FAM184B: variants seen among roughly 807,000 people sequenced by gnomAD.
The protein encoded by FAM184B is family with sequence similarity 184 member B, also known as protein FAM184B.
In FAM184B, 111 loss-of-function variants were observed where a neutral mutation model predicts 135.9. The ratio of observed to expected loss-of-function variants is 0.82; its 90% CI spans 0.70 to 0.96. FAM184B has a LOEUF of 0.96. Ranked by LOEUF, FAM184B falls within the 40% of genes least tolerant of loss-of-function variation. FAM184B has a pLI of 0.00. For missense variants in FAM184B, 1,375 were observed against 1,323.9 expected, an observed-to-expected ratio of 1.04 and a Z score of -0.60; for synonymous variants, 552 against 524.8, an observed-to-expected ratio of 1.05 and a Z score of -0.71.
intron 6 of FAM184B, among the ~76,000 whole-genome samples, chr4:17,689,072 C>T (rs1716664081): frequency 6.6e-6 from 1 of 152,176 alleles, no homozygotes; most frequent in Non-Finnish European, 1.5e-5. Context: ...GTATTCCACA[C>T]TTTCCTTAAA....
rs779363579 is a variant in FAM184B, at chr4:17,781,112, G to A, written c.141+47C>T. ...GCGCATCCGCACTGACTCCCGGCTC[G>A]GGCGCCCCGGGCGTGCAGCTCGCTG... On this transcript the variant is annotated intron_variant, in intron 1 of 17. Coordinates refer to ENST00000265018, the MANE Select transcript of FAM184B (RefSeq NM_015688.2). This position sits in a 1 kb window ranked among gnomAD's most constrained non-coding sequence, Gnocchi z 6.5. The A allele has an allele frequency of 6.9e-7, 1 of 1,458,958 alleles. No individual in the cohort carries two copies. Among genetic ancestry groups the A allele is most frequent in the Non-Finnish European group, 9.1e-7 (1 of 1,104,788 alleles). 90.4% of individuals were successfully genotyped at this position (1,458,958 alleles called of 1,614,324 possible). A position where few individuals can be genotyped will look rare whatever the true frequency, so the allele number is the denominator to read the frequency against.
intron 10 of FAM184B, 96 bp downstream of exon 10, chr4:17,658,254 G>A: frequency 9.5e-7 from 1 of 1,052,518 alleles, no homozygotes; most frequent in Non-Finnish European, 1.4e-6. Flanking sequence ...ATGCTCGGGG[G>A]ATTGGATGTC....
intron 1 of FAM184B, among the ~76,000 whole-genome samples, chr4:17,777,300 G>A (rs190046831): frequency 6.6e-6 from 1 of 152,282 alleles, no homozygotes; most frequent in East Asian, 1.9e-4. Flanking sequence ...TAGATGAATG[G>A]TTGCCTGGGG....
At chr4:17,738,483 T>C (rs564546410) in intron 1 of FAM184B, among the ~76,000 whole-genome samples, 28 of 152,264 alleles carry the variant, frequency 1.8e-4, no homozygotes, top group African/African-American at 6.0e-4. Flanking sequence ...AGGCACTTAA[T>C]AGCATCTCAT....
At chr4:17,739,555 G>GTTTTTTTTTGTTTTTTTTTTTTTTTT (rs1553841417) in intron 1 of FAM184B, among the ~76,000 whole-genome samples, 3 of 62,510 alleles carry the variant, frequency 4.8e-5, no homozygotes, top group African/African-American at 1.2e-4. Context: ...CATACCAACT[G>GTTTTTTTTTGTTTTTTTTTTTTTTTT]TTTTTTTTTT....
chr4:17,698,857 C>T (rs527626132), intron 5 of FAM184B, among the ~76,000 whole-genome samples: 1 of 152,194 alleles, frequency 6.6e-6, no homozygotes, highest in South Asian at 2.1e-4. Flanking sequence ...ACAACAAAAA[C>T]TAGATGTTCA....
At chr4:17,669,735 G>A (rs1263305736) in intron 7 of FAM184B, among the ~76,000 whole-genome samples, 1 of 152,060 alleles carries the variant, frequency 6.6e-6, no homozygotes, top group African/African-American at 2.4e-5. Flanking sequence ...GTGAGAAATG[G>A]GAAAATATAT....
chr4:17,735,148 A>C (rs545977453), intron 1 of FAM184B, among the ~76,000 whole-genome samples: 12 of 144,630 alleles, frequency 8.3e-5, no homozygotes, highest in Non-Finnish European at 1.7e-4. Flanking sequence ...ACATGGACAC[A>C]GGAAGGGGAA....
intron 7 of FAM184B, among the ~76,000 whole-genome samples, chr4:17,676,219 ATTG>A (rs1390289706): frequency 6.6e-6 from 1 of 152,162 alleles, no homozygotes. Context: ...TAACTGCAAT[ATTG>A]TTGTGTTTCA....
chr4:17,634,895 C>A, intron 16 of FAM184B, 114 bp downstream of exon 16: 2 of 548,340 alleles, frequency 3.6e-6, no homozygotes, highest in Non-Finnish European at 3.0e-6. Flanking sequence ...TTTTTTTTTT[C>A]CAATGAATAT....
intron 1 of FAM184B, among the ~76,000 whole-genome samples, chr4:17,764,133 G>A (rs1372493144): frequency 6.6e-6 from 1 of 152,130 alleles, no homozygotes; most frequent in African/African-American, 2.4e-5. Context: ...GCTAACATCT[G>A]TCACTCGTTT....
At chr4:17,637,495 G>A (rs1317897213) in intron 14 of FAM184B, among the ~76,000 whole-genome samples, 1 of 152,186 alleles carries the variant, frequency 6.6e-6, no homozygotes, top group Admixed American at 6.6e-5. Context: ...GTGACCTTGG[G>A]CATCATTTCA....
rs199549580 is a variant in FAM184B, at chr4:17,632,043, ATTTTT to A, written c.*484_*488del. 1.2e-3 allele frequency: 137 copies of A among 117,372 alleles called. No homozygotes were observed. Among genetic ancestry groups the A allele is most frequent in the Non-Finnish European group, 1.6e-3 (88 of 56,402 alleles). 7.3% of individuals were successfully genotyped at this position (117,372 alleles called of 1,614,324 possible). A position where few individuals can be genotyped will look rare whatever the true frequency, so the allele number is the denominator to read the frequency against. On this transcript the variant is annotated 3_prime_UTR_variant, in exon 18 of 18. Transcript: ENST00000265018. ...TTTTAATAACACTGGTTTAATGTCA[ATTTTT>A]TTTTTTTTTTTTTTTTTTTTTTTTT... is the stretch of plus-strand genomic sequence containing the variant.
chr4:17,655,565 C>T (rs930620368), intron 10 of FAM184B, among the ~76,000 whole-genome samples: 3 of 152,202 alleles, frequency 2.0e-5, no homozygotes, highest in Non-Finnish European at 4.4e-5. Context: ...CTCCAAAAGT[C>T]CTATATTATG....
chr4:17,647,884 C>G (rs1202401695), intron 11 of FAM184B, 93 bp from the exon 12 acceptor site: 2 of 1,396,590 alleles, frequency 1.4e-6, no homozygotes, highest in African/African-American at 1.4e-5. Context: ...GGTTGGATGA[C>G]GTGGGTGGCT....
chr4:17,645,734 A>G (rs1715448068), intron 12 of FAM184B, among the ~76,000 whole-genome samples: 1 of 151,426 alleles, frequency 6.6e-6, no homozygotes, highest in Non-Finnish European at 1.5e-5. Context: ...AGTGGGATCT[A>G]ATTAAACTAA....
intron 12 of FAM184B, among the ~76,000 whole-genome samples, chr4:17,643,671 T>C (rs1455390591): frequency 6.6e-6 from 1 of 152,204 alleles, no homozygotes; most frequent in Non-Finnish European, 1.5e-5. Context: ...CATCATTTGT[T>C]AATATTTTTC....
chr4:17,780,672 T>C (rs772512782), intron 1 of FAM184B, among the ~76,000 whole-genome samples: 5 of 152,014 alleles, frequency 3.3e-5, no homozygotes, highest in African/African-American at 7.2e-5. Context: ...TGATAGTAAG[T>C]CCCCTAGGCT....
intron 7 of FAM184B, among the ~76,000 whole-genome samples, chr4:17,671,216 GAGACCCCC>G (rs1716162216): frequency 3.3e-5 from 5 of 152,046 alleles, no homozygotes; most frequent in Admixed American, 2.6e-4. Flanking sequence ...TGATCATGAA[GAGACCCCC>G]TACACCAGCT....
Sources: allele counts gnomAD v4.1 joint callset (sites outside exome capture counted in the v4.1 genomes callset), GRCh38; gene constraint gnomAD v4.1.1; non-coding constraint Gnocchi (gnomAD v3.1); transcripts MANE v1.5; gene names NCBI Gene and HGNC (gene_info 2026-07-23, HGNC 2026-07-21).